ZNF407: variants seen among roughly 807,000 people sequenced by gnomAD.
ZNF407 encodes zinc finger protein 407.
Under a neutral mutation model 131.2 loss-of-function variants are expected in ZNF407, and 17 were observed. The ratio of observed to expected loss-of-function variants is 0.13; its 90% confidence interval spans 0.09 to 0.19. The LOEUF is 0.19. Among genes scored for constraint, ZNF407 ranks in the 10% least tolerant of loss-of-function variants. The probability of loss-of-function intolerance (pLI) is 1.00; values close to 1 mark genes in which losing one functional copy is unlikely to be tolerated. For missense variants in ZNF407, 2,681 were observed against 2,830.6 expected (o/e 0.95, Z 1.20); for synonymous variants, 1,156 against 1,062.0 (o/e 1.09, Z -1.72).
intron 6 of ZNF407, among the ~76,000 whole-genome samples, chr18:74,886,921 C>A (rs1301158643): frequency 6.6e-6 from 1 of 152,170 alleles, no homozygotes; most frequent in South Asian, 2.1e-4. Context: ...TACGGCCAGT[C>A]TAGACAGATT....
chr18:74,894,092 T>C (rs1971422185), intron 7 of ZNF407, among the ~76,000 whole-genome samples: 1 of 152,100 alleles, frequency 6.6e-6, no homozygotes, highest in South Asian at 2.1e-4. Flanking sequence ...CTTTTGAACC[T>C]GAGGCTATTT....
At chr18:74,611,501 C>G (rs1983058145) in intron 1 of ZNF407, among the ~76,000 whole-genome samples, 1 of 152,106 alleles carries the variant, frequency 6.6e-6, no homozygotes, top group Admixed American at 6.6e-5. Context: ...CAAAAATGCT[C>G]AACTTCATTA....
intron 8 of ZNF407, among the ~76,000 whole-genome samples, chr18:75,036,771 T>G (rs1973313656): frequency 1.3e-5 from 2 of 152,242 alleles, no homozygotes; most frequent in East Asian, 3.8e-4. Context: ...GCAATTTATA[T>G]GTACTTTAGA....
At chr18:74,840,617 ACTC>A (rs1257277094) in intron 4 of ZNF407, among the ~76,000 whole-genome samples, 1 of 151,032 alleles carries the variant, frequency 6.6e-6, no homozygotes, top group African/African-American at 2.4e-5. Context: ...GGGCTCAGGC[ACTC>A]CTCCCACCTC....
intron 8 of ZNF407, among the ~76,000 whole-genome samples, chr18:75,044,486 C>T (rs1000733544): frequency 3.9e-5 from 6 of 152,146 alleles, no homozygotes; most frequent in South Asian, 2.1e-4. Context: ...CCTTGGGCAC[C>T]GTTCGTACTG....
chr18:74,741,231 T>A (rs1237654710), intron 3 of ZNF407, among the ~76,000 whole-genome samples: 1 of 152,168 alleles, frequency 6.6e-6, no homozygotes, highest in African/African-American at 2.4e-5. Flanking sequence ...GCATTTTGTA[T>A]ATATACATAT....
At chr18:74,922,423 G>A (rs938477391) in intron 8 of ZNF407, among the ~76,000 whole-genome samples, 7 of 151,962 alleles carry the variant, frequency 4.6e-5, no homozygotes, top group East Asian at 1.9e-4. Flanking sequence ...CATGAAAAAC[G>A]GATTGTTCCC....
At chr18:75,049,628 CAA>C (rs2122260755) in intron 8 of ZNF407, among the ~76,000 whole-genome samples, 1 of 152,252 alleles carries the variant, frequency 6.6e-6, no homozygotes, top group South Asian at 2.1e-4. Context: ...GTGATTAAGG[CAA>C]AGTTTTCTTC....
chr18:74,895,224 C>CT (rs1172665656), intron 7 of ZNF407, among the ~76,000 whole-genome samples: 2 of 126,000 alleles, frequency 1.6e-5, no homozygotes, highest in Non-Finnish European at 3.5e-5. Flanking sequence ...TTTTTTTTTT[C>CT]TTTTTTTGGT....
chr18:74,843,459 T>A (rs1970661698), intron 4 of ZNF407, among the ~76,000 whole-genome samples: 1 of 152,206 alleles, frequency 6.6e-6, no homozygotes, highest in South Asian at 2.1e-4. Flanking sequence ...AAAGTGTACC[T>A]TATCCACACT....
intron 8 of ZNF407, among the ~76,000 whole-genome samples, chr18:74,940,449 G>A (rs1415582475): frequency 6.6e-6 from 1 of 152,054 alleles, no homozygotes; most frequent in Non-Finnish European, 1.5e-5. Flanking sequence ...GAGGAAGCTG[G>A]GCCCAGGAAC....
intron 4 of ZNF407, among the ~76,000 whole-genome samples, chr18:74,856,928 G>A (rs749794917): frequency 6.6e-5 from 10 of 152,180 alleles, no homozygotes; most frequent in Non-Finnish European, 1.5e-4. Flanking sequence ...GCTATCCTGC[G>A]TTAGCTTACA....
At chr18:74,617,829 C>T (rs1320355086) in intron 1 of ZNF407, among the ~76,000 whole-genome samples, 1 of 152,128 alleles carries the variant, frequency 6.6e-6, no homozygotes, top group Non-Finnish European at 1.5e-5. Flanking sequence ...TAACACCATG[C>T]AGACATTTGG....
chr18:74,704,692 C>T (rs1025342360), intron 3 of ZNF407, among the ~76,000 whole-genome samples: 3 of 152,168 alleles, frequency 2.0e-5, no homozygotes, highest in African/African-American at 2.4e-5. Context: ...TGAATTTTGT[C>T]GCTTAAGTTG....
intron 8 of ZNF407, among the ~76,000 whole-genome samples, chr18:74,926,166 A>G (rs1241605510): frequency 6.6e-6 from 1 of 152,230 alleles, no homozygotes; most frequent in Non-Finnish European, 1.5e-5. Flanking sequence ...CTGCCATAGC[A>G]GTACCCTCAA....
intron 3 of ZNF407, among the ~76,000 whole-genome samples, chr18:74,743,424 G>C (rs949402207): frequency 6.6e-6 from 1 of 151,784 alleles, no homozygotes; most frequent in African/African-American, 2.4e-5. Flanking sequence ...TTAATGGTTT[G>C]GTTCTTTAGT....
intron 3 of ZNF407, among the ~76,000 whole-genome samples, chr18:74,708,492 T>G (rs1239261802): frequency 4.6e-5 from 7 of 152,218 alleles, no homozygotes; most frequent in African/African-American, 1.7e-4. Context: ...ATAACTATTG[T>G]GCTTTTAAGC....
At chr18:75,020,551 T>G (rs1973098320) in intron 8 of ZNF407, among the ~76,000 whole-genome samples, 1 of 152,180 alleles carries the variant, frequency 6.6e-6, no homozygotes, top group Non-Finnish European at 1.5e-5. Context: ...TAGAAGATTC[T>G]GTGAGAATTT....
intron 3 of ZNF407, among the ~76,000 whole-genome samples, chr18:74,731,916 A>C (rs898062292): frequency 2.0e-5 from 3 of 152,170 alleles, no homozygotes; most frequent in African/African-American, 7.2e-5. Flanking sequence ...GTGGTAGTAT[A>C]GATCATGAAG....
Sources: allele counts gnomAD v4.1 joint callset (sites outside exome capture counted in the v4.1 genomes callset), GRCh38; gene constraint gnomAD v4.1.1; transcripts MANE v1.5; gene names NCBI Gene and HGNC (gene_info 2026-07-23, HGNC 2026-07-21).